Variants in SVOPL observed in about 807,000 individuals in gnomAD.
The protein encoded by SVOPL is putative transporter SVOPL.
Under a neutral mutation model 61.0 loss-of-function variants are expected in SVOPL, and 60 were observed. The observed-to-expected ratio is 0.98, with a 90% CI of 0.80 to 1.22. The LOEUF (loss-of-function observed/expected upper bound fraction) is 1.22. SVOPL is among the 50% of genes most tolerant of loss of function. SVOPL has a pLI of 0.00. For missense variants in SVOPL, 662 were observed against 643.9 expected, an observed-to-expected ratio of 1.03 and a Z score of -0.30; for synonymous variants, 279 against 250.0, an observed-to-expected ratio of 1.12 and a Z score of -1.09.
At chr7:138,650,751 T>C (rs1334196181) in intron 7 of SVOPL, among the ~76,000 whole-genome samples, 1 of 129,154 alleles carries the variant, frequency 7.7e-6, no homozygotes, top group African/African-American at 3.0e-5. Flanking sequence ...AGTTCGAGGC[T>C]GCAGGGAGCT....
intron 14 of SVOPL, among the ~76,000 whole-genome samples, chr7:138,610,837 C>T (rs1798966978): frequency 6.6e-6 from 1 of 152,214 alleles, no homozygotes; most frequent in Non-Finnish European, 1.5e-5. Flanking sequence ...AGATAGGGCC[C>T]CAGGTTCCCA....
intron 11 of SVOPL, 31 bp from the exon 12 acceptor site, chr7:138,627,492 G>A (rs764729020): frequency 1.3e-6 from 2 of 1,559,094 alleles, no homozygotes; most frequent in Non-Finnish European, 1.8e-6. Context: ...ATAATTTCTG[G>A]AACCTTGGAA....
intron 14 of SVOPL, among the ~76,000 whole-genome samples, chr7:138,611,855 A>ATT (rs1554453474): frequency 2.6e-5 from 2 of 78,406 alleles, no homozygotes; most frequent in African/African-American, 4.3e-5. Flanking sequence ...AAGTGCCGAG[A>ATT]TTGCAGCCTC....
intron 9 of SVOPL, among the ~76,000 whole-genome samples, chr7:138,636,232 A>T (rs1353322216): frequency 6.6e-6 from 1 of 152,018 alleles, no homozygotes; most frequent in East Asian, 1.9e-4. Flanking sequence ...CCGGCTGAAA[A>T]ATAATAATTT....
intron 14 of SVOPL, among the ~76,000 whole-genome samples, chr7:138,598,370 A>T (rs1584762676): frequency 6.6e-6 from 1 of 152,242 alleles, no homozygotes; most frequent in East Asian, 1.9e-4. Flanking sequence ...AAAAATAGAC[A>T]TCCACAAATA....
chr7:138,603,883 T>G (rs1377843927), intron 14 of SVOPL, among the ~76,000 whole-genome samples: 7 of 152,074 alleles, frequency 4.6e-5, no homozygotes, highest in Admixed American at 4.6e-4. Context: ...CACTCCCAAC[T>G]TTGTGGTCAT....
intron 1 of SVOPL, among the ~76,000 whole-genome samples, chr7:138,687,011 A>C (rs1297025679): frequency 6.6e-6 from 1 of 152,232 alleles, no homozygotes; most frequent in Non-Finnish European, 1.5e-5. Flanking sequence ...GAGATAATCC[A>C]TGAAATTCTC....
At chr7:138,611,880 C>G (rs1359940280) in intron 14 of SVOPL, among the ~76,000 whole-genome samples, 11 of 77,116 alleles carry the variant, frequency 1.4e-4, no homozygotes, top group East Asian at 3.5e-4. Context: ...CGGCCGCCAC[C>G]CCGTCTGGGA....
At chr7:138,600,670 T>C (rs771541335) in intron 14 of SVOPL, among the ~76,000 whole-genome samples, 1 of 151,988 alleles carries the variant, frequency 6.6e-6, no homozygotes, top group African/African-American at 2.4e-5. Context: ...TAACAATGTG[T>C]TTATAGACCT....
At position 138,677,708 on chromosome 7, in the gene SVOPL, C is replaced by G. The variant is rs189986118; in HGVS notation, c.174+726G>C. On this transcript the variant is annotated intron_variant, in intron 3 of 15. Transcript: ENST00000674285. Reference sequence around the variant, plus strand: ...CATCTATTGTCTCTAAGGGCAGCCACTATAAGACTTCAAAAGAACCTTAGT... The same window carrying G: ...CATCTATTGTCTCTAAGGGCAGCCAGTATAAGACTTCAAAAGAACCTTAGT... Among the ~76,000 whole-genome samples, 599 of 147,352 alleles carry G rather than the reference C, an allele frequency of 4.1e-3. 15 individuals are homozygous for G. The highest frequency in any genetic ancestry group is 0.037 in the Admixed American group (545 of 14,784).
chr7:138,641,834 A>ATATATAT (rs1554464902), intron 9 of SVOPL, among the ~76,000 whole-genome samples: 13 of 29,498 alleles, frequency 4.4e-4, no homozygotes, highest in East Asian at 1.4e-3. Flanking sequence ...ATATATATAT[A>ATATATAT]ACATATATAT....
intron 14 of SVOPL, among the ~76,000 whole-genome samples, chr7:138,609,821 C>CT (rs1468866992): frequency 6.6e-6 from 1 of 152,112 alleles, no homozygotes; most frequent in Non-Finnish European, 1.5e-5. Context: ...CAACCTCCAC[C>CT]TCCCAGTTTC....
chr7:138,678,752 G>A (rs138479616), intron 2 of SVOPL, among the ~76,000 whole-genome samples: 1,631 of 152,226 alleles, frequency 0.011, 19 homozygotes, highest in African/African-American at 0.038. Context: ...TGTATTTTTA[G>A]TAGAGACGGG....
intron 14 of SVOPL, among the ~76,000 whole-genome samples, chr7:138,602,482 T>C (rs78607412): frequency 0.01 from 1,544 of 150,114 alleles, 34 homozygotes; most frequent in African/African-American, 0.035. Context: ...TATATGTAGA[T>C]GTGTGTGTTT....
In SVOPL at chr7:138,657,779, G is replaced by A. The variant is rs183354786; in HGVS notation, c.471-1268C>T. 1.7e-3 allele frequency among the ~76,000 whole-genome samples: 265 copies of A among 152,218 alleles called. 1 individual carries two copies. The highest frequency in any genetic ancestry group is 6.2e-3 in the African/African-American group (257 of 41,518). ...ACAATTCTTTCTCTAACACATGAAG[G>A]CAGTAATTAGGTGCTTTGACATCTC... On this transcript the variant is annotated intron_variant, in intron 6 of 15. Coordinates refer to ENST00000674285, the MANE Select transcript of SVOPL (RefSeq NM_001139456.2).
intron 1 of SVOPL, among the ~76,000 whole-genome samples, chr7:138,693,687 AGAAG>A (rs965160788): frequency 6.6e-6 from 1 of 151,728 alleles, no homozygotes; most frequent in African/African-American, 2.4e-5. Context: ...GAGGAAGGAA[AGAAG>A]GAAGGAAGGG....
chr7:138,605,729 C>G (rs1187810581), intron 14 of SVOPL, among the ~76,000 whole-genome samples: 1 of 151,610 alleles, frequency 6.6e-6, no homozygotes, highest in Non-Finnish European at 1.5e-5. Context: ...AGTCACCATC[C>G]ATTTATGAGA....
intron 1 of SVOPL, among the ~76,000 whole-genome samples, chr7:138,693,883 T>A (rs1803008776): frequency 6.6e-6 from 1 of 152,196 alleles, no homozygotes; most frequent in South Asian, 2.1e-4. Context: ...ACATGTTTAA[T>A]AGAATCTCTT....
chr7:138,643,102 C>G (rs971158169), intron 9 of SVOPL, among the ~76,000 whole-genome samples: 1 of 152,058 alleles, frequency 6.6e-6, no homozygotes, highest in Non-Finnish European at 1.5e-5. Context: ...TCCAGCAATT[C>G]CACATCTGGG....
Sources: allele counts gnomAD v4.1 joint callset (sites outside exome capture counted in the v4.1 genomes callset), GRCh38; gene constraint gnomAD v4.1.1; transcripts MANE v1.5; gene names NCBI Gene and HGNC (gene_info 2026-07-23, HGNC 2026-07-21).